The following DDAH1 variants were observed in gnomAD, a reference collection of about 807,000 sequenced individuals.
The protein encoded by DDAH1 is N(G),N(G)-dimethylarginine dimethylaminohydrolase 1.
A neutral mutation model predicts 28.8 loss-of-function variants in DDAH1; 19 were observed. The observed-to-expected ratio is 0.66, with a 90% CI of 0.46 to 0.97. The LOEUF (loss-of-function observed/expected upper bound fraction) is 0.97, where lower values mean the gene tolerates loss of function less well. Among genes scored for constraint, DDAH1 ranks in the 50% least tolerant of loss-of-function variants. The probability of loss-of-function intolerance (pLI) is 0.00; values close to 1 mark genes in which losing one functional copy is unlikely to be tolerated. For missense variants in DDAH1, 326 were observed against 375.9 expected (o/e 0.87, Z 1.10); for synonymous variants, 153 against 154.4 (o/e 0.99, Z 0.07).
intron 1 of DDAH1, among the ~76,000 whole-genome samples, chr1:85,533,824 A>G (rs1658174866): frequency 6.6e-6 from 1 of 152,192 alleles, no homozygotes; most frequent in Non-Finnish European, 1.5e-5. Context: ...TAAATAAGAC[A>G]ATGTGCAAAA....
intron 1 of DDAH1, among the ~76,000 whole-genome samples, chr1:85,511,644 C>T (rs1376715553): frequency 3.9e-5 from 6 of 151,966 alleles, no homozygotes; most frequent in African/African-American, 1.5e-4. Flanking sequence ...TCAATAGATG[C>T]AATAAAAAAT....
chr1:85,318,674 A>C lies in DDAH1; in HGVS notation c.*2778T>G, dbSNP rs1661204890. 1.3e-5 allele frequency: 2 copies of C among 152,652 alleles called. 1 individual carries two copies. The highest frequency in any genetic ancestry group is 3.8e-4 in the East Asian group (2 of 5,204). The allele number at this position is 152,652 out of a possible 1,614,324, so 9.5% of individuals were successfully genotyped here. The stretch of plus-strand genomic sequence containing the variant: ...GGTGGTCAGGAAAATAAAATGCACA[A>C]ATCTAACACCATGTTGAAATCATGT... On this transcript the variant is annotated 3_prime_UTR_variant, in exon 6 of 6. Transcript: ENST00000284031.
At chr1:85,482,279 G>A (rs1656036404) in intron 2 of DDAH1, 1 of 152,098 alleles carries the variant, frequency 6.6e-6, no homozygotes, top group African/African-American at 2.4e-5. Flanking sequence ...GATACCAAGT[G>A]ATATGTATTT....
chr1:85,477,126 G>A (rs511491), intron 2 of DDAH1, among the ~76,000 whole-genome samples: 9,618 of 152,256 alleles, frequency 0.063, 423 homozygotes, highest in South Asian at 0.13. Flanking sequence ...TATTAATCAG[G>A]AGTGGAGAGA....
rs538637799 is a variant in DDAH1 at position 85,375,258 on chromosome 1, G to A, written c.304-16411C>T. Among the ~76,000 whole-genome samples, 3 of 152,148 alleles carry A rather than the reference G, an allele frequency of 2.0e-5. No homozygotes were observed. In the East Asian group the frequency reaches 5.8e-4, roughly 29 times the overall value. On this transcript the variant is annotated intron_variant, in intron 1 of 5. Coordinates refer to ENST00000284031, the MANE Select transcript of DDAH1 (RefSeq NM_012137.4). Reference sequence around the variant, plus strand: ...ACTTTACAACTGCAAAATAATCATTGGATGTTGCACAGAGAGAGGTCCCTC... The same window carrying A: ...ACTTTACAACTGCAAAATAATCATTAGATGTTGCACAGAGAGAGGTCCCTC...
chr1:85,402,097 T>G (rs1570490756), intron 1 of DDAH1, among the ~76,000 whole-genome samples: 1 of 151,680 alleles, frequency 6.6e-6, no homozygotes, highest in Non-Finnish European at 1.5e-5. Flanking sequence ...GCAATCCTCC[T>G]GCCTCAGCCC....
At chr1:85,466,739 A>G (rs1655395927), upstream of DDAH1, among the ~76,000 whole-genome samples, 1 of 152,172 alleles carries the variant, frequency 6.6e-6, no homozygotes, top group South Asian at 2.1e-4. Context: ...GAGGATTTCC[A>G]TCAAAGTTAC....
intron 1 of DDAH1, among the ~76,000 whole-genome samples, chr1:85,508,867 C>A (rs1657122575): frequency 6.6e-6 from 1 of 152,204 alleles, no homozygotes; most frequent in African/African-American, 2.4e-5. Context: ...CCTACTGCCT[C>A]TAGACTCCAC....
chr1:85,393,328 A>G (rs1307516246), intron 1 of DDAH1, among the ~76,000 whole-genome samples: 1 of 152,188 alleles, frequency 6.6e-6, no homozygotes, highest in Non-Finnish European at 1.5e-5. Flanking sequence ...CAAAATAAAA[A>G]ACAAAATTTC....
At chr1:85,553,222 T>C (rs1658851812) in intron 1 of DDAH1, among the ~76,000 whole-genome samples, 2 of 152,136 alleles carry the variant, frequency 1.3e-5, no homozygotes, top group African/African-American at 4.8e-5. Context: ...TAAGTGACCT[T>C]AGTCATCTCC....
intron 1 of DDAH1, among the ~76,000 whole-genome samples, chr1:85,507,914 C>A (rs1296475456): frequency 1.3e-5 from 2 of 152,200 alleles, no homozygotes; most frequent in African/African-American, 4.8e-5. Flanking sequence ...CCCTGTAACT[C>A]CTATTTATTT....
At chr1:85,448,686 A>G (rs1373485171) in intron 1 of DDAH1, among the ~76,000 whole-genome samples, 3 of 152,230 alleles carry the variant, frequency 2.0e-5, no homozygotes, top group Non-Finnish European at 2.9e-5. Flanking sequence ...CCTGTTCTAC[A>G]TAATATGGAA....
rs1253925630 is a variant in DDAH1 at position 85,350,449 on chromosome 1, A to G, written c.563T>C (p.Ile188Thr). Reference sequence around the variant, plus strand: ...CTTCTGTGCAGATTCACTAGACCCAATTGCGATCAGGTTAGGCCCAGCCAT... The same window carrying G: ...CTTCTGTGCAGATTCACTAGACCCAGTTGCGATCAGGTTAGGCCCAGCCAT... ...CSMAGPNLIAIGSSESAQKAL... is the reference protein window; with the variant it reads ...CSMAGPNLIATGSSESAQKAL... Residue 188 changes from isoleucine to threonine, a missense_variant, in exon 4 of 6, where the codon ATT becomes ACT. Physicochemically the swap from Ile to Thr is moderately conservative, Grantham distance 89. Coordinates refer to ENST00000284031, the MANE Select transcript of DDAH1 (RefSeq NM_012137.4). 12 of 1,614,102 alleles carry G rather than the reference A, an allele frequency of 7.4e-6. 1 individual carries two copies. Among genetic ancestry groups the G allele is most frequent in the South Asian group, 4.4e-5 (4 of 91,084 alleles).
chr1:85,340,950 A>G (rs1388881346), intron 4 of DDAH1, among the ~76,000 whole-genome samples: 1 of 152,174 alleles, frequency 6.6e-6, no homozygotes, highest in Non-Finnish European at 1.5e-5. Context: ...TCCTGTTTGT[A>G]ATAACCACCA....
chr1:85,480,606 G>A (rs1053404991), intron 2 of DDAH1, among the ~76,000 whole-genome samples: 1 of 152,122 alleles, frequency 6.6e-6, no homozygotes, highest in Non-Finnish European at 1.5e-5. Flanking sequence ...GTAGCTGGGT[G>A]TGGTGGCAGG....
chr1:85,375,779 T>A (rs993740556), intron 1 of DDAH1, among the ~76,000 whole-genome samples: 2 of 151,952 alleles, frequency 1.3e-5, no homozygotes, highest in Non-Finnish European at 2.9e-5. Context: ...TTAGAGGAGA[T>A]CATGGAAAAA....
chr1:85,380,689 T>C (rs1650938044), intron 1 of DDAH1: 1 of 152,218 alleles, frequency 6.6e-6, no homozygotes, highest in Admixed American at 6.5e-5. Flanking sequence ...TTTTTTAATT[T>C]AGTGCCTGAA....
At chr1:85,398,384 A>G (rs938155565) in intron 1 of DDAH1, 1 of 152,206 alleles carries the variant, frequency 6.6e-6, no homozygotes, top group African/African-American at 2.4e-5. Flanking sequence ...TTATAGACAG[A>G]AAAATTATGT....
chr1:85,378,934 A>C (rs729655), intron 1 of DDAH1, among the ~76,000 whole-genome samples: 61,205 of 151,766 alleles, frequency 0.4, 12,474 homozygotes, highest in South Asian at 0.59. Context: ...AAAATATTTC[A>C]AAAGGCAAAT....
Sources: allele counts gnomAD v4.1 joint callset (sites outside exome capture counted in the v4.1 genomes callset), GRCh38; gene constraint gnomAD v4.1.1; transcripts MANE v1.5; gene names NCBI Gene and HGNC (gene_info 2026-07-23, HGNC 2026-07-21).